Variants in STK3 observed in about 807,000 individuals in gnomAD.
The protein encoded by STK3 is serine/threonine kinase 3.
In STK3, 41 loss-of-function variants were observed where a neutral mutation model predicts 58.0. That is an observed-to-expected ratio of 0.71 (90% CI 0.55 to 0.92). The LOEUF is 0.92. Among genes scored for constraint, STK3 ranks in the 40% least tolerant of loss-of-function variants. STK3 has a pLI of 0.00. For synonymous variants in STK3, 170 were observed against 191.0 expected, an observed-to-expected ratio of 0.89 and a Z score of 0.91; for missense variants, 479 against 602.7, an observed-to-expected ratio of 0.79 and a Z score of 2.15.
At chr8:98,775,183 G>A (rs890994604) in intron 1 of STK3, among the ~76,000 whole-genome samples, 2 of 152,040 alleles carry the variant, frequency 1.3e-5, no homozygotes, top group African/African-American at 4.8e-5. Flanking sequence ...TTTCCATACA[G>A]GTTAATCATC....
At chr8:98,925,098 A>G (rs755966417) in intron 1 of STK3, among the ~76,000 whole-genome samples, 40 of 152,246 alleles carry the variant, frequency 2.6e-4, no homozygotes, top group Non-Finnish European at 5.3e-4. Context: ...AACCACAAGA[A>G]GGTCAGATTG....
At chr8:98,907,405 C>T (rs188544833) in intron 1 of STK3, among the ~76,000 whole-genome samples, 158 of 151,740 alleles carry the variant, frequency 1.0e-3, no homozygotes, top group African/African-American at 3.5e-3. Context: ...CCCAGCTACT[C>T]GGGAGGCTAA....
chr8:98,450,640 CAT>C (rs747389600), downstream of STK3, among the ~76,000 whole-genome samples: 59 of 152,252 alleles, frequency 3.9e-4, no homozygotes, highest in Non-Finnish European at 7.5e-4. Flanking sequence ...TACAACAAAA[CAT>C]AGATTTCAAG....
chr8:98,889,609 A>G (rs1296277076), intron 1 of STK3, among the ~76,000 whole-genome samples: 1 of 152,222 alleles, frequency 6.6e-6, no homozygotes, highest in Non-Finnish European at 1.5e-5. Flanking sequence ...AGATAAAAAT[A>G]CCAAATGTGA....
At chr8:98,557,409 T>C (rs774343381) in intron 8 of STK3, among the ~76,000 whole-genome samples, 3 of 152,090 alleles carry the variant, frequency 2.0e-5, no homozygotes, top group Non-Finnish European at 2.9e-5. Flanking sequence ...CTTCCAACTC[T>C]GGTAAAGGAT....
chr8:98,542,476 T>C (rs1810373009), intron 9 of STK3, among the ~76,000 whole-genome samples: 1 of 152,130 alleles, frequency 6.6e-6, no homozygotes. Context: ...TCATTCTCTA[T>C]AGAAGCCCCT....
At chr8:98,904,317 G>C (rs1468852733) in intron 1 of STK3, among the ~76,000 whole-genome samples, 2 of 152,098 alleles carry the variant, frequency 1.3e-5, no homozygotes, top group African/African-American at 4.8e-5. Flanking sequence ...CCACTGCACA[G>C]GAAAAAGGGG....
Position 98,774,750 on chromosome 8 carries a change from C to A in STK3, c.96G>T (p.Lys32Asn). 6.3e-7 allele frequency: 1 copy of A among 1,583,638 alleles called. No individual in the cohort carries two copies. The highest frequency in any genetic ancestry group is 1.8e-5 in the Admixed American group (1 of 54,624). ...QPEEVFDVLE[K>N]LGEGSYGSVF... is the part of the protein sequence containing the mutation. Reference sequence around the variant, plus strand: ...CTTTTTGTACTTACCCTTCTCCAAGCTTCTCTAATACATCAAAAACTTCTT... The same window carrying A: ...CTTTTTGTACTTACCCTTCTCCAAGATTCTCTAATACATCAAAAACTTCTT... The change falls in exon 2 of 11, where the codon AAG becomes AAT. Residue 32 changes from lysine (K) to asparagine (N), a missense_variant. Lys to Asn is a moderately conservative substitution (Grantham distance 94). Coordinates refer to ENST00000419617, the MANE Select transcript of STK3 (RefSeq NM_006281.4).
At chr8:98,479,987 T>G (rs749813147) in intron 10 of STK3, among the ~76,000 whole-genome samples, 9 of 151,948 alleles carry the variant, frequency 5.9e-5, no homozygotes, top group Non-Finnish European at 1.3e-4. Flanking sequence ...AATAGCAGAA[T>G]GAAGATGACA....
downstream of STK3, among the ~76,000 whole-genome samples, chr8:98,397,849 T>A (rs1180378532): frequency 6.6e-6 from 1 of 152,124 alleles, no homozygotes; most frequent in Non-Finnish European, 1.5e-5. Context: ...TCTCTCCTGC[T>A]CCACCATGGT....
At position 98,527,488 on chromosome 8, in the gene STK3, C is replaced by T. The variant is rs371900502; in HGVS notation, c.1142-571G>A. On this transcript the variant is annotated intron_variant, in intron 9 of 10. Transcript: ENST00000419617. Reference sequence around the variant, plus strand: ...ACAAAAAATTAGCCAGGTGTGGTGGCACCTATCTGTAGTCCCAGCTACTTT... The same window carrying T: ...ACAAAAAATTAGCCAGGTGTGGTGGTACCTATCTGTAGTCCCAGCTACTTT... 2.0e-4 allele frequency among the ~76,000 whole-genome samples: 30 copies of T among 152,074 alleles called. No homozygotes were observed. In the South Asian group the frequency reaches 5.6e-3, roughly 28 times the overall value.
chr8:98,865,957 T>C (rs1268174275), intron 3 of STK3, among the ~76,000 whole-genome samples: 1 of 152,242 alleles, frequency 6.6e-6, no homozygotes, highest in Non-Finnish European at 1.5e-5. Flanking sequence ...TCCTGCAGTC[T>C]GGAGTGGGCA....
intron 6 of STK3, among the ~76,000 whole-genome samples, chr8:98,607,572 T>A (rs1816873410): frequency 6.6e-6 from 1 of 152,230 alleles, no homozygotes; most frequent in Non-Finnish European, 1.5e-5. Context: ...TAGCATTTTG[T>A]AGTGAAATGA....
At chr8:98,727,849 G>T (rs1005324553) in intron 4 of STK3, among the ~76,000 whole-genome samples, 1 of 152,096 alleles carries the variant, frequency 6.6e-6, no homozygotes, top group Non-Finnish European at 1.5e-5. Flanking sequence ...GGAACTCTCA[G>T]ATGTTTCAGT....
At chr8:98,931,025 G>A (rs1839985924) in intron 1 of STK3, among the ~76,000 whole-genome samples, 1 of 152,188 alleles carries the variant, frequency 6.6e-6, no homozygotes, top group Admixed American at 6.5e-5. Flanking sequence ...GCTTCTGTCT[G>A]ACCCATGTTT....
At chr8:98,382,972 G>A (rs889663508) in intron 1 of STK3, among the ~76,000 whole-genome samples, 1 of 152,098 alleles carries the variant, frequency 6.6e-6, no homozygotes, top group African/African-American at 2.4e-5. Flanking sequence ...AGGCCCCAAG[G>A]TCCCCTCCTT....
upstream of STK3, among the ~76,000 whole-genome samples, chr8:98,391,016 CTG>C (rs1360380450): frequency 6.6e-6 from 1 of 152,182 alleles, no homozygotes; most frequent in East Asian, 1.9e-4. Flanking sequence ...AATTCTAACT[CTG>C]TGTCATCTAA....
chr8:98,908,019 A>C (rs180818740), intron 1 of STK3, among the ~76,000 whole-genome samples: 2 of 152,314 alleles, frequency 1.3e-5, no homozygotes, highest in Admixed American at 1.3e-4. Flanking sequence ...GGGAAATAGT[A>C]GGTGGCTCTG....
chr8:98,405,797 G>A (rs2131032530), intron 3 of STK3, among the ~76,000 whole-genome samples: 1 of 152,318 alleles, frequency 6.6e-6, no homozygotes, highest in Admixed American at 6.5e-5. Context: ...ATGGATGGCA[G>A]CAGGCAAACA....
Sources: allele counts gnomAD v4.1 joint callset (sites outside exome capture counted in the v4.1 genomes callset), GRCh38; gene constraint gnomAD v4.1.1; transcripts MANE v1.5; gene names NCBI Gene and HGNC (gene_info 2026-07-23, HGNC 2026-07-21).